Variants in RBMS2 observed in about 807,000 individuals in gnomAD.
The protein encoded by RBMS2 is RNA binding motif single stranded interacting protein 2.
A neutral mutation model predicts 58.4 loss-of-function variants in RBMS2; 38 were observed. That is an observed-to-expected ratio of 0.65 (90% CI 0.50 to 0.85). The LOEUF is 0.85. RBMS2 is among the 40% of genes least tolerant of loss of function. RBMS2 has a pLI of 0.00. For synonymous variants in RBMS2, 151 were observed against 180.7 expected (o/e 0.84, Z 1.32); for missense variants, 367 against 503.7 (o/e 0.73, Z 2.60).
At chr12:56,532,830 A>T (rs1316284987) in intron 1 of RBMS2, among the ~76,000 whole-genome samples, 1 of 152,160 alleles carries the variant, frequency 6.6e-6, no homozygotes, top group Non-Finnish European at 1.5e-5. Flanking sequence ...ATTGCCTGTA[A>T]ATTACGTACA....
At chr12:56,577,623 C>T (rs1883327509) in intron 5 of RBMS2, among the ~76,000 whole-genome samples, 1 of 151,818 alleles carries the variant, frequency 6.6e-6, no homozygotes, top group Non-Finnish European at 1.5e-5. Context: ...TACAGGCCCC[C>T]ACCACCATGC....
intron 1 of RBMS2, among the ~76,000 whole-genome samples, chr12:56,543,788 C>T (rs1876605174): frequency 6.6e-6 from 1 of 151,760 alleles, no homozygotes; most frequent in African/African-American, 2.4e-5. Context: ...CTGCCTCAGA[C>T]TCTCAAATAG....
At chr12:56,573,751 C>CT (rs35292811) in intron 5 of RBMS2, among the ~76,000 whole-genome samples, 10,908 of 139,836 alleles carry the variant, frequency 0.078, 581 homozygotes, top group African/African-American at 0.13. Flanking sequence ...ATGGTCCACA[C>CT]TTTTTTTTTT....
In RBMS2 at chr12:56,571,793, G is replaced by C. The variant is rs775062304; in HGVS notation, c.480G>C (p.Gln160His). The change falls in exon 5 of 14, where the codon CAG becomes CAC. Residue 160 changes from glutamine to histidine, a missense_variant. Around this residue, in one of 3 missense-constraint regions of RBMS2, gnomAD observed 54 missense variants for 110.4 expected, o/e 0.49. Transcript: ENST00000262031. ...ELEGMLKPFG[Q>H]VISTRILRDT... ...AGGGGATGCTGAAGCCCTTTGGCCA[G>C]GTTATCTCCACCCGTATCCTTCGAG... 2 of 1,602,656 alleles carry C rather than the reference G, an allele frequency of 1.2e-6. No homozygotes were observed. Among genetic ancestry groups the C allele is most frequent in the Non-Finnish European group, 1.7e-6 (2 of 1,173,288 alleles).
intron 7 of RBMS2, 66 bp downstream of exon 7, chr12:56,581,574 A>T: frequency 6.7e-7 from 1 of 1,492,176 alleles, no homozygotes; most frequent in Non-Finnish European, 9.3e-7. Flanking sequence ...TGATCATGGC[A>T]TGATTTCTGT....
In RBMS2 at chr12:56,589,465, T is replaced by C. The variant is rs1365175249; in HGVS notation, c.*332T>C. On this transcript the variant is annotated 3_prime_UTR_variant, in exon 14 of 14. Transcript: ENST00000262031. ...CCCCTACCTTGAAGAGACATGGTGG[T>C]CGCAGCTTCTCATCTATATGAAAAA... 5.9e-6 allele frequency: 2 copies of C among 339,494 alleles called. No homozygotes were observed. Among genetic ancestry groups the C allele is most frequent in the Admixed American group, 1.0e-4 (2 of 19,308 alleles). 21.0% of individuals were successfully genotyped at this position (339,494 alleles called of 1,614,324 possible).
At chr12:56,543,511 C>CTTTT (rs78482928) in intron 1 of RBMS2, among the ~76,000 whole-genome samples, 1 of 134,594 alleles carries the variant, frequency 7.4e-6, no homozygotes, top group East Asian at 2.2e-4. Context: ...TGAGAGTCAC[C>CTTTT]TTTTTTTTTT....
In RBMS2 at chr12:56,592,027, G is replaced by A. The variant is rs1391359897; in HGVS notation, c.*2894G>A. 1 of 152,082 alleles carries A rather than the reference G, an allele frequency of 6.6e-6. No homozygotes were observed. Among genetic ancestry groups the A allele is most frequent in the East Asian group, 1.9e-4 (1 of 5,196 alleles). 9.4% of individuals were successfully genotyped at this position (152,082 alleles called of 1,614,324 possible). Reference sequence around the variant, plus strand: ...TGTTAGTTCATTTGTAACAGTGGGTGAGTGTTTGGAGGAAAGGAGGGAGAA... The same window carrying A: ...TGTTAGTTCATTTGTAACAGTGGGTAAGTGTTTGGAGGAAAGGAGGGAGAA... On this transcript the variant is annotated 3_prime_UTR_variant, in exon 14 of 14. Transcript: ENST00000262031.
At chr12:56,582,794 G>A (rs1474986084) in intron 9 of RBMS2, among the ~76,000 whole-genome samples, 2 of 152,150 alleles carry the variant, frequency 1.3e-5, no homozygotes, top group African/African-American at 4.8e-5. Flanking sequence ...TTAGCCTCTG[G>A]AGTACCTGGG....
chr12:56,532,110 T>C (rs1257100016), intron 1 of RBMS2, among the ~76,000 whole-genome samples: 2 of 151,916 alleles, frequency 1.3e-5, no homozygotes, highest in East Asian at 1.9e-4. Context: ...TCCCAGCTAA[T>C]TGGGAGGCTG....
Position 56,588,993 on chromosome 12 carries a change from C to T in RBMS2, c.1205C>T (p.Ser402Phe), listed in dbSNP as rs776608607. The T allele has an allele frequency of 2.5e-6, 4 of 1,614,196 alleles. No individual in the cohort carries two copies. The highest frequency in any genetic ancestry group is 3.4e-6 in the Non-Finnish European group (4 of 1,180,034). Residue 402 changes from serine (S) to phenylalanine (F), a missense_variant, in exon 13 of 14, where the codon TCT becomes TTT. By Grantham distance (155) the Ser-to-Phe change is radical. Around this residue, in one of 3 missense-constraint regions of RBMS2, gnomAD observed 220 missense variants for 261.1 expected, o/e 0.84. Transcript: ENST00000262031. ...VDAPSEHGVYSFQFNK is the reference protein window; with the variant it reads ...VDAPSEHGVYFFQFNK ...GCACCCTCAGAGCATGGGGTCTATT[C>T]TTTCCAGTTCAACAAGTAACAGTGG...
chr12:56,571,936 T>G lies in RBMS2; in HGVS notation c.542+81T>G, dbSNP rs1341271730. The G allele has an allele frequency of 3.1e-6, 4 of 1,278,446 alleles. No individual in the cohort carries two copies. In the Admixed American group the frequency reaches 1.4e-4, roughly 45 times the overall value. The allele number at this position is 1,278,446 out of a possible 1,614,324, so 79.2% of individuals were successfully genotyped here. On this transcript the variant is annotated intron_variant, in intron 5 of 13. Transcript: ENST00000262031. ...GTCACCAGAAAACAAAATCTATGCCTTTCCCACACAAGGTCAAAATACTTT... is the reference window on the plus strand; with the variant it reads ...GTCACCAGAAAACAAAATCTATGCCGTTCCCACACAAGGTCAAAATACTTT...
intron 1 of RBMS2, among the ~76,000 whole-genome samples, chr12:56,545,132 T>G (rs901204672): frequency 6.6e-5 from 10 of 152,296 alleles, no homozygotes; most frequent in African/African-American, 2.4e-4. Flanking sequence ...TCCTCATAGC[T>G]TAGCTCTCAT....
At chr12:56,546,569 G>T (rs980814582) in intron 1 of RBMS2, among the ~76,000 whole-genome samples, 2 of 151,894 alleles carry the variant, frequency 1.3e-5, no homozygotes, top group Admixed American at 6.6e-5. Flanking sequence ...TCCTGACCTT[G>T]TGATCCCCCT....
intron 9 of RBMS2, among the ~76,000 whole-genome samples, chr12:56,582,353 C>G (rs909571008): frequency 6.6e-6 from 1 of 152,146 alleles, no homozygotes; most frequent in African/African-American, 2.4e-5. Context: ...TCTTACTCCC[C>G]CTCCACCACC....
intron 5 of RBMS2, among the ~76,000 whole-genome samples, chr12:56,576,166 C>T (rs977635525): frequency 2.6e-5 from 4 of 151,848 alleles, no homozygotes; most frequent in African/African-American, 9.7e-5. Context: ...GGTAAAACCC[C>T]ATCTCCATTA....
rs931958940 is a variant in RBMS2, at chr12:56,595,308, A to G, written c.*6175A>G. On this transcript the variant is annotated 3_prime_UTR_variant, in exon 14 of 14. Coordinates refer to ENST00000262031, the MANE Select transcript of RBMS2 (RefSeq NM_002898.4). ...AAGTTTCCAGGCTGGAGGGTAATACATATCCAGCGCGAGTGAAGTCCCCAC... is the reference window on the plus strand; with the variant it reads ...AAGTTTCCAGGCTGGAGGGTAATACGTATCCAGCGCGAGTGAAGTCCCCAC... The G allele has an allele frequency of 1.8e-4, 28 of 152,216 alleles. No homozygotes were observed. The highest frequency in any genetic ancestry group is 6.5e-4 in the African/African-American group (27 of 41,442). The allele number at this position is 152,216 out of a possible 1,614,324, so 9.4% of individuals were successfully genotyped here. A position where few individuals can be genotyped will look rare whatever the true frequency, so the allele number is the denominator to read the frequency against.
chr12:56,527,566 C>G (rs562159137), intron 1 of RBMS2, among the ~76,000 whole-genome samples: 1 of 152,072 alleles, frequency 6.6e-6, no homozygotes, highest in African/African-American at 2.4e-5. Context: ...GAGCCGAGAT[C>G]GCGCCATTGC....
intron 1 of RBMS2, among the ~76,000 whole-genome samples, chr12:56,555,063 T>C (rs1878977789): frequency 1.3e-5 from 1 of 78,296 alleles, no homozygotes; most frequent in Non-Finnish European, 2.6e-5. Context: ...TAAAAGGATA[T>C]ATACACTTTA....
Sources: allele counts gnomAD v4.1 joint callset (sites outside exome capture counted in the v4.1 genomes callset), GRCh38; gene constraint gnomAD v4.1.1; regional missense constraint gnomAD v4.1.1; transcripts MANE v1.5; gene names NCBI Gene and HGNC (gene_info 2026-07-23, HGNC 2026-07-21).